Variants in NGEF observed in about 807,000 individuals in gnomAD.
NGEF encodes ephexin-1.
NGEF carries 31 observed loss-of-function variants against 80.9 expected under a neutral mutation model. The ratio of observed to expected loss-of-function variants is 0.38; its 90% confidence interval spans 0.29 to 0.52. The LOEUF (loss-of-function observed/expected upper bound fraction) is 0.52. NGEF is among the 20% of genes least tolerant of loss of function. The probability of loss-of-function intolerance (pLI) is 0.84; values close to 1 mark genes in which losing one functional copy is unlikely to be tolerated. For synonymous variants in NGEF, 371 were observed against 370.2 expected, an observed-to-expected ratio of 1.00 and a Z score of -0.03; for missense variants, 709 against 926.2, an observed-to-expected ratio of 0.77 and a Z score of 3.04.
chr2:232,935,773 T>C (rs1245026670), intron 3 of NGEF, among the ~76,000 whole-genome samples: 1 of 152,246 alleles, frequency 6.6e-6, no homozygotes, highest in African/African-American at 2.4e-5. Context: ...GTCACCAGAC[T>C]ATCAAATGTT....
intron 1 of NGEF, among the ~76,000 whole-genome samples, chr2:232,998,513 C>G (rs189897664): frequency 2.0e-5 from 3 of 152,302 alleles, no homozygotes; most frequent in African/African-American, 4.8e-5. Flanking sequence ...AAGCCTGGCT[C>G]TCTCTGGGGA....
chr2:232,965,809 G>T (rs758746969), intron 3 of NGEF, among the ~76,000 whole-genome samples: 54 of 152,144 alleles, frequency 3.5e-4, no homozygotes, highest in Admixed American at 3.5e-3. Flanking sequence ...TGCTTTGGAG[G>T]CAGTCAACAT....
intron 5 of NGEF, among the ~76,000 whole-genome samples, chr2:232,905,378 G>A (rs1006526582): frequency 2.7e-5 from 4 of 145,888 alleles, no homozygotes; most frequent in African/African-American, 1.0e-4. Flanking sequence ...TGCCAGGATT[G>A]CAGACGGAGT....
intron 12 of NGEF, 21 bp from the exon 13 acceptor site, chr2:232,882,286 G>C (rs1325966412): frequency 6.8e-6 from 11 of 1,607,516 alleles, no homozygotes; most frequent in South Asian, 1.1e-5. Context: ...GAAGAGGACA[G>C]TGCCCCAACT....
At position 232,963,021 on chromosome 2, in the gene NGEF, A is replaced by T. The variant is rs1428675637; in HGVS notation, c.383+7193T>A. Among the ~76,000 whole-genome samples the T allele has an allele frequency of 3.3e-5, 5 of 151,808 alleles. 1 individual carries two copies. The highest frequency in any genetic ancestry group is 9.7e-5 in the African/African-American group (4 of 41,182). ...CAATTTCAACTGAAATTCTAGCTGA[A>T]TTTTTTTTGGTAGAAATTGACAAAC... On this transcript the variant is annotated intron_variant, in intron 3 of 14. Transcript: ENST00000264051.
intron 5 of NGEF, among the ~76,000 whole-genome samples, chr2:232,906,099 G>A (rs538929054): frequency 1.0e-5 from 1 of 99,780 alleles, no homozygotes; most frequent in African/African-American, 3.5e-5. Flanking sequence ...CTGGTCAGCC[G>A]TCCCGTCTGG....
chr2:232,957,615 G>A (rs1693856699), intron 3 of NGEF, among the ~76,000 whole-genome samples: 1 of 152,216 alleles, frequency 6.6e-6, no homozygotes, highest in Non-Finnish European at 1.5e-5. Flanking sequence ...CAGCAACCAT[G>A]CCCAGCTCAG....
chr2:232,885,737 A>G (rs553107105), intron 9 of NGEF, among the ~76,000 whole-genome samples: 1 of 152,250 alleles, frequency 6.6e-6, no homozygotes, highest in East Asian at 1.9e-4. Flanking sequence ...CAAGGGACCT[A>G]AAAATCCCAC....
At chr2:232,941,350 G>A (rs536183819) in intron 3 of NGEF, among the ~76,000 whole-genome samples, 1 of 152,292 alleles carries the variant, frequency 6.6e-6, no homozygotes, top group Non-Finnish European at 1.5e-5. Context: ...TGTGGCTAAT[G>A]TTAGTGCTGC....
chr2:232,914,247 A>ATCTC (rs1428333668), intron 5 of NGEF, among the ~76,000 whole-genome samples: 7 of 152,190 alleles, frequency 4.6e-5, no homozygotes, highest in African/African-American at 1.7e-4. Context: ...AAGTTTGATG[A>ATCTC]TCTCTGCTCT....
chr2:232,907,159 TA>T (rs1181408500), intron 5 of NGEF, among the ~76,000 whole-genome samples: 1,117 of 25,756 alleles, frequency 0.043, 12 homozygotes, highest in African/African-American at 0.12. Flanking sequence ...AATGATCAAT[TA>T]AAAAAAAAAA....
chr2:232,911,565 G>A (rs917401274), intron 5 of NGEF, among the ~76,000 whole-genome samples: 2 of 152,190 alleles, frequency 1.3e-5, no homozygotes, highest in Admixed American at 1.3e-4. Flanking sequence ...TTTGACTGGA[G>A]TCGCATGGAA....
chr2:232,927,942 T>G (rs1693115092), intron 3 of NGEF: 1 of 1,340,358 alleles, frequency 7.5e-7, no homozygotes, highest in South Asian at 1.9e-5. Flanking sequence ...CTTTCCGAGG[T>G]GGAACTGTCG....
At chr2:232,894,192 C>T (rs1691981877) in intron 6 of NGEF, among the ~76,000 whole-genome samples, 1 of 152,232 alleles carries the variant, frequency 6.6e-6, no homozygotes. Context: ...GGGCAGATGT[C>T]TGTCTACTCT....
chr2:232,893,178 C>A (rs947982696), intron 6 of NGEF, 128 bp from the exon 7 acceptor site: 2 of 869,376 alleles, frequency 2.3e-6, no homozygotes, highest in Non-Finnish European at 3.5e-6. Context: ...GCGTACAGGC[C>A]GACAAGATCC....
intron 1 of NGEF, among the ~76,000 whole-genome samples, chr2:233,006,815 A>G (rs1695093337): frequency 6.6e-6 from 1 of 152,184 alleles, no homozygotes. Context: ...ATGGTGGGTC[A>G]GAGAGGTTAA....
intron 1 of NGEF, among the ~76,000 whole-genome samples, chr2:233,011,242 G>A (rs912242044): frequency 2.6e-5 from 4 of 151,894 alleles, no homozygotes; most frequent in Admixed American, 6.6e-5. Context: ...CATACACTGT[G>A]CACAGCAATT....
intron 14 of NGEF, among the ~76,000 whole-genome samples, chr2:232,880,818 C>T (rs950269269): frequency 1.4e-5 from 1 of 70,866 alleles, no homozygotes. Flanking sequence ...TGTCCTCCCT[C>T]CCACTGTGAT....
At chr2:232,906,758 A>G (rs2106261645) in intron 5 of NGEF, among the ~76,000 whole-genome samples, 1 of 151,486 alleles carries the variant, frequency 6.6e-6, no homozygotes, top group South Asian at 2.1e-4. Context: ...AGGTGGGGAA[A>G]AGATTGAGAA....
Sources: allele counts gnomAD v4.1 joint callset (sites outside exome capture counted in the v4.1 genomes callset), GRCh38; gene constraint gnomAD v4.1.1; transcripts MANE v1.5; gene names NCBI Gene and HGNC (gene_info 2026-07-23, HGNC 2026-07-21).